Variants in COG6 observed in about 807,000 individuals in gnomAD.
COG6 encodes conserved oligomeric Golgi complex subunit 6.
COG6 carries 74 observed loss-of-function variants against 88.8 expected under a neutral mutation model. That is an observed-to-expected ratio of 0.83 (90% CI 0.69 to 1.01). COG6 has a LOEUF of 1.01. COG6 is among the 50% of genes least tolerant of loss of function. The pLI, the probability that COG6 is intolerant of heterozygous loss-of-function variation, is 0.00. For synonymous variants in COG6, 286 were observed against 278.7 expected (o/e 1.03, Z -0.26); for missense variants, 800 against 797.9 (o/e 1.00, Z -0.03).
chr13:39,664,986 T>C (rs1485842681), intron 3 of COG6, 110 bp from the exon 4 acceptor site: 3 of 688,050 alleles, frequency 4.4e-6, no homozygotes, highest in African/African-American at 3.6e-5. Flanking sequence ...TTGAGTTCCA[T>C]AGAGTGATCT....
intron 18 of COG6, among the ~76,000 whole-genome samples, chr13:39,764,794 T>C (rs892971979): frequency 2.6e-5 from 4 of 152,158 alleles, no homozygotes; most frequent in African/African-American, 9.6e-5. Context: ...TGATTTGTTT[T>C]AGTAAATTGT....
chr13:39,680,788 T>A (rs772544423), intron 7 of COG6, among the ~76,000 whole-genome samples: 2 of 152,208 alleles, frequency 1.3e-5, no homozygotes, highest in Non-Finnish European at 2.9e-5. Flanking sequence ...TTTCTCATGT[T>A]GATTCTACCC....
intron 11 of COG6, among the ~76,000 whole-genome samples, chr13:39,693,560 A>AG (rs961613789): frequency 2.6e-5 from 4 of 152,020 alleles, no homozygotes; most frequent in Non-Finnish European, 4.4e-5. Context: ...TGATTTAAAA[A>AG]TAAATCATGG....
intron 7 of COG6, among the ~76,000 whole-genome samples, chr13:39,681,298 C>G (rs1876300122): frequency 6.6e-6 from 1 of 152,186 alleles, no homozygotes; most frequent in South Asian, 2.1e-4. Context: ...CTCTCTCCTT[C>G]TTTACATTGT....
rs375055842 is a variant in COG6, at chr13:39,751,711, T to C, written c.*618T>C. 51 of 1,286,870 alleles carry C rather than the reference T, an allele frequency of 4.0e-5. 1 individual carries two copies. The African/African-American group carries it at 5.6e-4, about 14-fold the overall frequency. The allele number at this position is 1,286,870 out of a possible 1,614,324, so 79.7% of individuals were successfully genotyped here. On this transcript the variant is annotated 3_prime_UTR_variant, in exon 19 of 19. Transcript: ENST00000455146. ...ATATATTTGACTGTGTACATTCTTA[T>C]GCAATTTTAAGTATACACTCAGCAA...
intron 14 of COG6, 52 bp downstream of exon 14, chr13:39,719,419 C>A: frequency 6.4e-7 from 1 of 1,558,604 alleles, no homozygotes; most frequent in Non-Finnish European, 8.8e-7. Context: ...CTATTGTACA[C>A]TGTGTTTCAA....
intron 18 of COG6, among the ~76,000 whole-genome samples, chr13:39,744,034 C>T (rs1183053073): frequency 6.6e-6 from 1 of 152,092 alleles, no homozygotes; most frequent in South Asian, 2.1e-4. Context: ...GCAGAAAGGG[C>T]CTTCGACAAA....
chr13:39,758,206 G>A (rs915717006), intron 18 of COG6, among the ~76,000 whole-genome samples: 49 of 127,664 alleles, frequency 3.8e-4, no homozygotes, highest in Admixed American at 2.4e-3. Context: ...GCGACAGAGC[G>A]AGATGCCTTC....
chr13:39,700,205 CATT>C (rs1877502046), intron 13 of COG6, among the ~76,000 whole-genome samples: 1 of 151,826 alleles, frequency 6.6e-6, no homozygotes, highest in South Asian at 2.1e-4. Context: ...ATTTTTGTTT[CATT>C]ATTGAGAACA....
intron 4 of COG6, among the ~76,000 whole-genome samples, chr13:39,666,941 A>C (rs759242154): frequency 1.3e-5 from 2 of 152,230 alleles, no homozygotes; most frequent in Non-Finnish European, 2.9e-5. Context: ...ATATTGGAAC[A>C]TGTACCTTAT....
chr13:39,722,640 A>G (rs1420935803), intron 15 of COG6, among the ~76,000 whole-genome samples: 1 of 151,694 alleles, frequency 6.6e-6, no homozygotes, highest in Admixed American at 6.6e-5. Context: ...AAAAAGAACA[A>G]GATTTTTTCT....
chr13:39,695,085 TATACTCACAATAGAGCATAGTGAA>T (rs1372249089), intron 12 of COG6, among the ~76,000 whole-genome samples: 1 of 151,588 alleles, frequency 6.6e-6, no homozygotes, highest in Non-Finnish European at 1.5e-5. Context: ...AACTATACCT[TATACTCACAATAGAGCATAGTGAA>T]TGAAATGTTC....
At chr13:39,698,180 A>T (rs929080885) in intron 12 of COG6, among the ~76,000 whole-genome samples, 63 of 86,668 alleles carry the variant, frequency 7.3e-4, no homozygotes, top group African/African-American at 2.2e-3. Flanking sequence ...ACTCCATATT[A>T]AAAAAAAAAA....
intron 18 of COG6, among the ~76,000 whole-genome samples, chr13:39,745,546 T>A (rs997775030): frequency 5.3e-5 from 8 of 152,182 alleles, no homozygotes; most frequent in African/African-American, 9.7e-5. Flanking sequence ...AGATACCATC[T>A]CACGCCAGTT....
At chr13:39,671,363 G>A (rs4432137) in intron 4 of COG6, among the ~76,000 whole-genome samples, 100,147 of 151,282 alleles carry the variant, frequency 0.66, 33,334 homozygotes, top group Admixed American at 0.77. Flanking sequence ...GCTTTTTTTT[G>A]CGTAACATTT....
rs78011939 is a variant in COG6 at position 39,659,953 on chromosome 13, T to C, written c.297+446T>C. ...TCAATGTATTAATAATGATTCATCA[T>C]ACTTGAGAGTGTAGTCCACTCACCA... On this transcript the variant is annotated intron_variant, in intron 2 of 18. Transcript: ENST00000455146. Among the ~76,000 whole-genome samples the C allele has an allele frequency of 7.7e-3, 1,170 of 152,322 alleles. 16 individuals are homozygous for C. Among genetic ancestry groups the C allele is most frequent in the Middle Eastern group, 0.031 (9 of 294 alleles).
intron 12 of COG6, among the ~76,000 whole-genome samples, chr13:39,698,708 G>T (rs948313728): frequency 6.6e-6 from 1 of 151,758 alleles, no homozygotes; most frequent in Non-Finnish European, 1.5e-5. Flanking sequence ...GGAAGATGTT[G>T]TTATGCCTTT....
intron 4 of COG6, among the ~76,000 whole-genome samples, chr13:39,672,145 A>G (rs1875685482): frequency 1.3e-5 from 2 of 152,116 alleles, no homozygotes; most frequent in Middle Eastern, 3.4e-3. Flanking sequence ...ACTTAACTAA[A>G]TGTTATTAAG....
intron 4 of COG6, among the ~76,000 whole-genome samples, chr13:39,667,736 G>C (rs6563740): frequency 1.3e-5 from 2 of 151,812 alleles, no homozygotes; most frequent in African/African-American, 2.4e-5. Context: ...AAAAAGTGGG[G>C]CTGGGCAAGA....
Sources: gnomAD v4.1 joint callset for allele counts (sites outside exome capture counted in the v4.1 genomes callset) on GRCh38, gnomAD v4.1.1 for gene constraint, MANE v1.5 for transcripts, NCBI Gene and HGNC (gene_info 2026-07-23, HGNC 2026-07-21) for gene names.